NSD3: variants seen among roughly 807,000 people sequenced by gnomAD.
NSD3 encodes the protein histone-lysine N-methyltransferase NSD3.
Under a neutral mutation model 160.8 loss-of-function variants are expected in NSD3, and 24 were observed. That is an observed-to-expected ratio of 0.15 (90% CI 0.11 to 0.21). The LOEUF is 0.21. Among genes scored for constraint, NSD3 ranks in the 10% least tolerant of loss-of-function variants. The pLI is 1.00. For missense variants in NSD3, 1,157 were observed against 1,735.9 expected (o/e 0.67, Z 5.93); for synonymous variants, 520 against 600.0 (o/e 0.87, Z 1.95).
In NSD3 at chr8:38,318,976, T is replaced by A. The variant is rs200905493; in HGVS notation, c.1810-36A>T. Reference sequence around the variant, plus strand: ...AGAAAAATACAGCATTAACAAAGAATTTTTTTCCCTTTTAATTATTAACAG... The same window carrying A: ...AGAAAAATACAGCATTAACAAAGAAATTTTTTCCCTTTTAATTATTAACAG... On this transcript the variant is annotated intron_variant, in intron 8 of 23. Transcript: ENST00000317025. The surrounding 1 kb of genome is among the most constrained non-coding windows in gnomAD (Gnocchi z 5.3). The A allele has an allele frequency of 6.4e-7, 1 of 1,562,914 alleles. No individual in the cohort carries two copies. The highest frequency in any genetic ancestry group is 2.3e-5 in the East Asian group (1 of 44,046).
intron 15 of NSD3, 124 bp from the exon 16 acceptor site, chr8:38,296,076 C>G: frequency 1.0e-6 from 1 of 993,170 alleles, no homozygotes; most frequent in South Asian, 1.7e-5. Flanking sequence ...AACAAAGGGA[C>G]TGAGTCATAT....
intron 19 of NSD3, among the ~76,000 whole-genome samples, chr8:38,283,953 A>C (rs1808794543): frequency 6.6e-6 from 1 of 152,264 alleles, no homozygotes; most frequent in Non-Finnish European, 1.5e-5. Flanking sequence ...AATAAAAAGC[A>C]TCAGCCAGGT....
At chr8:38,322,676 A>G (rs1256330777) in intron 7 of NSD3, among the ~76,000 whole-genome samples, 1 of 152,222 alleles carries the variant, frequency 6.6e-6, no homozygotes, top group Admixed American at 6.5e-5. Flanking sequence ...ATTGAAGAGT[A>G]TTATGTTCAT....
At chr8:38,334,753 A>AAAAC (rs141411435) in intron 4 of NSD3, among the ~76,000 whole-genome samples, 4 of 151,870 alleles carry the variant, frequency 2.6e-5, no homozygotes, top group Non-Finnish European at 4.4e-5. Flanking sequence ...ATCCATCTCA[A>AAAAC]AAACAAACAA....
intron 12 of NSD3, among the ~76,000 whole-genome samples, chr8:38,306,182 A>G (rs990983969): frequency 7.9e-5 from 12 of 152,122 alleles, no homozygotes; most frequent in Non-Finnish European, 1.6e-4. Flanking sequence ...AAAAGGAGAA[A>G]GATCCTAATA....
chr8:38,305,228 T>C lies in NSD3; in HGVS notation c.2440+20A>G. The C allele has an allele frequency of 6.2e-7, 1 of 1,609,514 alleles. No homozygotes were observed. The highest frequency in any genetic ancestry group is 8.5e-7 in the Non-Finnish European group (1 of 1,177,908). On this transcript the variant is annotated intron_variant, in intron 13 of 23. Coordinates refer to ENST00000317025, the MANE Select transcript of NSD3 (RefSeq NM_023034.2). ...TGCCCTTAAAACAAAAATCTTTGTC[T>C]CCTTCTTCAGCTGTTTTACCTTTAC... is the stretch of plus-strand genomic sequence containing the variant.
chr8:38,295,908 G>C lies in NSD3; in HGVS notation c.2803C>G (p.Pro935Ala). The C allele has an allele frequency of 6.2e-7, 1 of 1,613,542 alleles. No individual in the cohort carries two copies. Among genetic ancestry groups the C allele is most frequent in the East Asian group, 2.2e-5 (1 of 44,834 alleles). Residue 935 changes from proline (P) to alanine (A), a missense_variant, in exon 16 of 24, where the codon CCG (proline) becomes GCG (alanine). Physicochemically the swap from Pro to Ala is conservative, Grantham distance 27. Coordinates refer to ENST00000317025, the MANE Select transcript of NSD3 (RefSeq NM_023034.2). ...GGCATTTCTATGCTTAGGCATTCCG[G>C]GTGGAAGGAAGCTGGGCACGATTCA... ...CCESCPASFHPECLSIEMPEG... is the reference protein window; with the variant it reads ...CCESCPASFHAECLSIEMPEG...
rs929042789 is a variant in NSD3 at position 38,289,329 on chromosome 8, A to G, written c.3231+64T>C. ...TCATCTATTAAATAACAATGCTTTC[A>G]TAGTAAAGACTTACTTTGTTTCTTA... On this transcript the variant is annotated intron_variant, in intron 18 of 23. Coordinates refer to ENST00000317025, the MANE Select transcript of NSD3 (RefSeq NM_023034.2). 4 of 1,409,634 alleles carry G rather than the reference A, an allele frequency of 2.8e-6. No individual in the cohort carries two copies. In the African/African-American group the frequency reaches 5.8e-5, roughly 20 times the overall value. The allele number at this position is 1,409,634 out of a possible 1,614,324, so 87.3% of individuals were successfully genotyped here. A position where few individuals can be genotyped will look rare whatever the true frequency, so the allele number is the denominator to read the frequency against.
In NSD3 at chr8:38,299,550, T is replaced by C; in HGVS notation, c.2652A>G (p.Ser884=). 1.2e-6 allele frequency: 2 copies of C among 1,613,492 alleles called. No individual in the cohort carries two copies. Among genetic ancestry groups the C allele is most frequent in the Admixed American group, 1.7e-5 (1 of 59,938 alleles). ...GTAGGTAGTGGGACTTATAGGCATA[T>C]GAACTGAACATGGGGTCTGAATGGT... The part of the protein sequence containing the change: ...VQDHSDPMFS[S]YAYKSHYLLN... The change falls in exon 15 of 24, where the codon TCA becomes TCG. Residue 884 remains serine, a synonymous_variant. Coordinates refer to ENST00000317025, the MANE Select transcript of NSD3 (RefSeq NM_023034.2).
intron 1 of NSD3, among the ~76,000 whole-genome samples, chr8:38,362,348 G>C (rs1810993951): frequency 7.2e-6 from 1 of 138,980 alleles, no homozygotes; most frequent in African/African-American, 2.6e-5. Flanking sequence ...AAATATCACA[G>C]GCTGTTTTTT....
chr8:38,374,172 G>C (rs1046098267), intron 1 of NSD3, among the ~76,000 whole-genome samples: 1 of 151,610 alleles, frequency 6.6e-6, no homozygotes, highest in Non-Finnish European at 1.5e-5. Context: ...AGCTACTCCA[G>C]AGGATGAGGC....
intron 14 of NSD3, among the ~76,000 whole-genome samples, chr8:38,300,198 G>GTCACTCAGAC (rs1404496081): frequency 6.6e-6 from 1 of 151,824 alleles, no homozygotes; most frequent in Non-Finnish European, 1.5e-5. Flanking sequence ...GTCTTGCTCT[G>GTCACTCAGAC]TCACTCAGAC....
chr8:38,317,705 A>G lies in NSD3; in HGVS notation c.1855+1190T>C, dbSNP rs1809702750. On this transcript the variant is annotated intron_variant, in intron 9 of 23. Coordinates refer to ENST00000317025, the MANE Select transcript of NSD3 (RefSeq NM_023034.2). The surrounding 1 kb of genome is among the most constrained non-coding windows in gnomAD (Gnocchi z 5.3). ...TGTTGAAATTGATCAGTGTAAGTTA[A>G]ATGGTGGTTTTTAGGCTGGACCCAT... 1 of 1,342,600 alleles carries G rather than the reference A, an allele frequency of 7.4e-7. No homozygotes were observed. The highest frequency in any genetic ancestry group is 9.6e-7 in the Non-Finnish European group (1 of 1,044,478). The allele number at this position is 1,342,600 out of a possible 1,614,324, so 83.2% of individuals were successfully genotyped here.
rs575431869 is a variant in NSD3 at position 38,286,055 on chromosome 8, T to G, written c.3501+2432A>C. ...CTGCCTGCTGGTGTTCATGCCATTT[T>G]GTCGCCTCCTCCCCTTGTTGCATGT... On this transcript the variant is annotated intron_variant, in intron 19 of 23. Coordinates refer to ENST00000317025, the MANE Select transcript of NSD3 (RefSeq NM_023034.2). 3.6e-4 allele frequency among the ~76,000 whole-genome samples: 55 copies of G among 152,312 alleles called. No homozygotes were observed. The South Asian group carries it at 0.011, about 31-fold the overall frequency.
At chr8:38,345,728 T>C (rs1007229857) in intron 2 of NSD3, among the ~76,000 whole-genome samples, 4 of 150,658 alleles carry the variant, frequency 2.7e-5, no homozygotes, top group Non-Finnish European at 4.4e-5. Context: ...CTGACTAACA[T>C]GACCCTGTCT....
chr8:38,299,698 A>AG lies in NSD3; in HGVS notation c.2612-109dup, dbSNP rs1213499975. 7.9e-6 allele frequency: 9 copies of AG among 1,135,950 alleles called. No individual in the cohort carries two copies. The African/African-American group carries it at 1.4e-4, about 18-fold the overall frequency. The allele number at this position is 1,135,950 out of a possible 1,614,324, so 70.4% of individuals were successfully genotyped here. A position where few individuals can be genotyped will look rare whatever the true frequency, so the allele number is the denominator to read the frequency against. ...TGTATGCTTCAAAGCTGGGGTGGGG[A>AG]GGGCGAAAATGAGAATATGAAGAAA... On this transcript the variant is annotated intron_variant, in intron 14 of 23. Transcript: ENST00000317025.
rs1260984759 is a variant in NSD3 at position 38,272,804 on chromosome 8, T to C, written c.*2837A>G. 6.6e-6 allele frequency: 1 copy of C among 152,216 alleles called. No individual in the cohort carries two copies. Among genetic ancestry groups the C allele is most frequent in the Non-Finnish European group, 1.5e-5 (1 of 68,040 alleles). 9.4% of individuals were successfully genotyped at this position (152,216 alleles called of 1,614,324 possible). Reference sequence around the variant, plus strand: ...AACTTCAGACTATGAGTGAGCAATGTCTTTTGGAATATTTCATTGGTGTAT... The same window carrying C: ...AACTTCAGACTATGAGTGAGCAATGCCTTTTGGAATATTTCATTGGTGTAT... On this transcript the variant is annotated 3_prime_UTR_variant, in exon 24 of 24. Coordinates refer to ENST00000317025, the MANE Select transcript of NSD3 (RefSeq NM_023034.2).
intron 1 of NSD3, among the ~76,000 whole-genome samples, chr8:38,368,428 G>C (rs550392268): frequency 1.3e-5 from 2 of 152,216 alleles, no homozygotes; most frequent in South Asian, 4.1e-4. Flanking sequence ...TCCTGAATTA[G>C]GAAGTAACCT....
chr8:38,281,323 T>C, intron 20 of NSD3, 144 bp downstream of exon 20: 2 of 397,906 alleles, frequency 5.0e-6, no homozygotes, highest in Non-Finnish European at 4.4e-6. Flanking sequence ...TGGCACATTA[T>C]AGTAGGCAGC....
Sources: gnomAD v4.1 joint callset for allele counts (sites outside exome capture counted in the v4.1 genomes callset) on GRCh38, gnomAD v4.1.1 for gene constraint, Gnocchi (gnomAD v3.1) non-coding constraint, MANE v1.5 for transcripts, NCBI Gene and HGNC (gene_info 2026-07-23, HGNC 2026-07-21) for gene names.